Variants in CDH13 observed in about 807,000 individuals in gnomAD.
The protein encoded by CDH13 is cadherin 13, also known as cadherin-13.
A neutral mutation model predicts 63.8 loss-of-function variants in CDH13; 24 were observed. That is an observed-to-expected ratio of 0.38 (90% CI 0.27 to 0.53). The LOEUF (loss-of-function observed/expected upper bound fraction) is 0.53, where lower values mean the gene tolerates loss of function less well. Ranked by LOEUF, CDH13 falls within the 20% of genes least tolerant of loss-of-function variation. The pLI is 0.85. For synonymous variants in CDH13, 503 were observed against 355.3 expected (o/e 1.42, Z -4.67); for missense variants, 1,049 against 903.1 (o/e 1.16, Z -2.07).
intron 1 of CDH13, among the ~76,000 whole-genome samples, chr16:82,720,233 C>T (rs1305983862): frequency 1.3e-5 from 2 of 152,130 alleles, no homozygotes; most frequent in Admixed American, 1.3e-4. Context: ...TTGTCAGGGG[C>T]ACCTCCTGCC....
At chr16:83,378,472 G>A (rs2091496234) in intron 6 of CDH13, among the ~76,000 whole-genome samples, 1 of 152,150 alleles carries the variant, frequency 6.6e-6, no homozygotes, top group Admixed American at 6.5e-5. Context: ...ATATGTGACT[G>A]TTATTTTGTC....
chr16:82,746,679 A>G (rs947697080), intron 1 of CDH13, among the ~76,000 whole-genome samples: 3 of 152,190 alleles, frequency 2.0e-5, no homozygotes, highest in Admixed American at 1.3e-4. Context: ...ACTTAAGCAT[A>G]CATATATATA....
rs146182308 is a variant in CDH13, at chr16:83,221,109, G to A, written c.636+3612G>A. Among the ~76,000 whole-genome samples, 332 of 152,244 alleles carry A rather than the reference G, an allele frequency of 2.2e-3. 1 individual carries two copies. Among genetic ancestry groups the A allele is most frequent in the African/African-American group, 6.2e-3 (257 of 41,552 alleles). On this transcript the variant is annotated intron_variant, in intron 5 of 13. Transcript: ENST00000567109. ...ATATCCATTTCTTTTCAGCTCCAAA[G>A]CCCCACATTTTCAATCACTAAGAAA...
intron 1 of CDH13, among the ~76,000 whole-genome samples, chr16:82,781,398 T>C (rs1398234022): frequency 6.6e-6 from 1 of 152,120 alleles, no homozygotes; most frequent in African/African-American, 2.4e-5. Flanking sequence ...GCTATCTTAA[T>C]GAGAATAAGC....
chr16:83,524,630 T>C (rs1465258830), intron 7 of CDH13, among the ~76,000 whole-genome samples: 1 of 151,972 alleles, frequency 6.6e-6, no homozygotes, highest in Non-Finnish European at 1.5e-5. Flanking sequence ...TTTTTTGTAC[T>C]TTTAGTAGAG....
At chr16:83,256,844 C>CAA (rs57312967) in intron 5 of CDH13, among the ~76,000 whole-genome samples, 5 of 78,678 alleles carry the variant, frequency 6.4e-5, no homozygotes, top group African/African-American at 1.4e-4. Context: ...GACTCCATCT[C>CAA]AAAAAAAAAA....
chr16:83,405,391 A>G (rs2092027130), intron 6 of CDH13, among the ~76,000 whole-genome samples: 1 of 152,192 alleles, frequency 6.6e-6, no homozygotes, highest in Admixed American at 6.5e-5. Context: ...GATACGCCCA[A>G]TGTAACCACA....
chr16:83,511,094 A>ACG (rs147339336), intron 7 of CDH13, among the ~76,000 whole-genome samples: 3 of 151,222 alleles, frequency 2.0e-5, no homozygotes, highest in East Asian at 1.9e-4. Context: ...GCACACACAC[A>ACG]TGCACACATG....
At chr16:83,715,908 T>G (rs1698697653) in intron 10 of CDH13, among the ~76,000 whole-genome samples, 1 of 152,198 alleles carries the variant, frequency 6.6e-6, no homozygotes, top group Admixed American at 6.5e-5. Context: ...ACAACAGATG[T>G]CCACTACCCT....
Position 82,846,315 on chromosome 16 carries a change from C to T in CDH13, c.46-12047C>T, listed in dbSNP as rs370585566. On this transcript the variant is annotated intron_variant, in intron 1 of 13. Transcript: ENST00000567109. ...TATTTCCACAATACTTTATACATAC[C>T]CTCTATATTAATATAACTATAATAT... Among the ~76,000 whole-genome samples, 151 of 151,768 alleles carry T rather than the reference C, an allele frequency of 9.9e-4. 3 individuals carry two copies. The South Asian group carries it at 0.03, about 30-fold the overall frequency.
chr16:82,971,801 C>G (rs137990260), intron 2 of CDH13, among the ~76,000 whole-genome samples: 1 of 152,330 alleles, frequency 6.6e-6, no homozygotes, highest in Non-Finnish European at 1.5e-5. Context: ...GCCTGTGCCC[C>G]TTAAATGCTA....
chr16:83,576,332 A>G (rs1223557769), intron 7 of CDH13, among the ~76,000 whole-genome samples: 3 of 152,232 alleles, frequency 2.0e-5, no homozygotes, highest in Admixed American at 6.5e-5. Flanking sequence ...TGTAGCATGC[A>G]TCAGTATTTC....
chr16:82,644,719 C>T lies in CDH13; in HGVS notation c.45+17582C>T, dbSNP rs546853344. On this transcript the variant is annotated intron_variant, in intron 1 of 13. Transcript: ENST00000567109. This position sits in a 1 kb window ranked among gnomAD's most constrained non-coding sequence, Gnocchi z 5.7. ...CCCAGGCTCCCAGGTAGCCAGCTCC[C>T]AGGTGACAGGAGTCCGCTGGGCTCC... Among the ~76,000 whole-genome samples, 1 of 152,164 alleles carries T rather than the reference C, an allele frequency of 6.6e-6. No individual in the cohort carries two copies. The highest frequency in any genetic ancestry group is 1.5e-5 in the Non-Finnish European group (1 of 68,034).
intron 2 of CDH13, among the ~76,000 whole-genome samples, chr16:82,863,211 C>T (rs773774113): frequency 2.0e-5 from 3 of 152,126 alleles, no homozygotes; most frequent in Non-Finnish European, 2.9e-5. Context: ...GTAACCAAGG[C>T]CTACATAGGA....
At chr16:83,672,253 A>T (rs1914560491) in intron 9 of CDH13, among the ~76,000 whole-genome samples, 1 of 152,076 alleles carries the variant, frequency 6.6e-6, no homozygotes, top group South Asian at 2.1e-4. Flanking sequence ...TATAAACCAC[A>T]GACATCCATT....
chr16:83,783,402 C>T lies in CDH13; in HGVS notation c.2064C>T (p.Asp688=). 1 of 1,614,030 alleles carries T rather than the reference C, an allele frequency of 6.2e-7. No homozygotes were observed. The change falls in exon 13 of 14, where the codon GAC becomes GAT. Residue 688 remains aspartate, a synonymous_variant. Transcript: ENST00000567109. Reference sequence around the variant, plus strand: ...GCTCCTGCAGGAATTCCAAAGTGGACTGCAACGCGGCAGGGGCCCTGCGCT... The same window carrying T: ...GCTCCTGCAGGAATTCCAAAGTGGATTGCAACGCGGCAGGGGCCCTGCGCT... ...QVCSCRNSKV[D]CNAAGALRFS... is the part of the protein sequence containing the mutation.
At chr16:82,858,611 A>G in intron 2 of CDH13, 138 bp downstream of exon 2, 1 of 722,086 alleles carries the variant, frequency 1.4e-6, no homozygotes, top group Non-Finnish European at 2.5e-6. Context: ...TGCTTGACCC[A>G]AAGTGGAAAT....
chr16:83,120,308 G>A (rs946543409), intron 3 of CDH13, among the ~76,000 whole-genome samples: 1 of 152,212 alleles, frequency 6.6e-6, no homozygotes, highest in African/African-American at 2.4e-5. Flanking sequence ...GAGCTGGGAG[G>A]ACACCAGAGG....
chr16:82,666,273 G>T (rs940682578), intron 1 of CDH13, among the ~76,000 whole-genome samples: 1 of 152,212 alleles, frequency 6.6e-6, no homozygotes, highest in African/African-American at 2.4e-5. Context: ...CTTAGTGTTT[G>T]TTGTACCAAT....
Sources: gnomAD v4.1 joint callset for allele counts (sites outside exome capture counted in the v4.1 genomes callset) on GRCh38, gnomAD v4.1.1 for gene constraint, Gnocchi (gnomAD v3.1) non-coding constraint, MANE v1.5 for transcripts, NCBI Gene and HGNC (gene_info 2026-07-23, HGNC 2026-07-21) for gene names.